The following VTA1 variants were observed in gnomAD, a reference collection of about 807,000 sequenced individuals.
VTA1 encodes the protein vacuolar protein sorting-associated protein VTA1 homolog.
VTA1 carries 24 observed loss-of-function variants against 36.9 expected under a neutral mutation model. The observed-to-expected ratio is 0.65, with a 90% CI of 0.47 to 0.91. The LOEUF is 0.91. Among genes scored for constraint, VTA1 ranks in the 40% least tolerant of loss-of-function variants. The probability of loss-of-function intolerance (pLI) is 0.00; values close to 1 mark genes in which losing one functional copy is unlikely to be tolerated. For synonymous variants in VTA1, 142 were observed against 130.2 expected, an observed-to-expected ratio of 1.09 and a Z score of -0.62; for missense variants, 393 against 377.2, an observed-to-expected ratio of 1.04 and a Z score of -0.35.
At chr6:142,204,329 C>T (rs962731749) in intron 7 of VTA1, among the ~76,000 whole-genome samples, 1 of 152,064 alleles carries the variant, frequency 6.6e-6, no homozygotes, top group Non-Finnish European at 1.5e-5. Flanking sequence ...TATTGAAGAA[C>T]AAACATGGAG....
chr6:142,201,056 T>C (rs1562267900), intron 6 of VTA1, among the ~76,000 whole-genome samples: 1 of 151,942 alleles, frequency 6.6e-6, no homozygotes, highest in Non-Finnish European at 1.5e-5. Context: ...TTTAGCCATG[T>C]GCCTTCTATG....
At chr6:142,152,376 T>C (rs1778584037) in intron 1 of VTA1, among the ~76,000 whole-genome samples, 2 of 152,248 alleles carry the variant, frequency 1.3e-5, no homozygotes, top group East Asian at 3.9e-4. Flanking sequence ...GGTTATATGG[T>C]TTTTAGCCTG....
At chr6:142,187,536 A>G (rs1049713867) in intron 4 of VTA1, among the ~76,000 whole-genome samples, 3 of 152,286 alleles carry the variant, frequency 2.0e-5, no homozygotes, top group Non-Finnish European at 2.9e-5. Flanking sequence ...TTACTGGAGA[A>G]TATGAACTAT....
At chr6:142,197,018 C>A (rs943622892) in intron 5 of VTA1, among the ~76,000 whole-genome samples, 1 of 152,130 alleles carries the variant, frequency 6.6e-6, no homozygotes, top group African/African-American at 2.4e-5. Context: ...TGGCAACTTT[C>A]TTTTATGTAG....
chr6:142,206,439 A>G (rs1775792211), intron 7 of VTA1, among the ~76,000 whole-genome samples: 1 of 152,254 alleles, frequency 6.6e-6, no homozygotes, highest in Non-Finnish European at 1.5e-5. Context: ...CAGAATGCTC[A>G]TGAAAGAGTC....
At chr6:142,169,803 C>G in intron 3 of VTA1, 126 bp downstream of exon 3, 1 of 859,518 alleles carries the variant, frequency 1.2e-6, no homozygotes, top group Non-Finnish European at 1.6e-6. Flanking sequence ...AAAAAATTAT[C>G]AAACCTCACG....
At chr6:142,197,506 C>T (rs895721467) in intron 5 of VTA1, among the ~76,000 whole-genome samples, 8 of 152,208 alleles carry the variant, frequency 5.3e-5, no homozygotes, top group Admixed American at 3.3e-4. Flanking sequence ...ATTCGGCTCA[C>T]GATACAGTAT....
intron 4 of VTA1, among the ~76,000 whole-genome samples, chr6:142,182,107 T>G (rs1441943686): frequency 6.6e-6 from 1 of 152,240 alleles, no homozygotes; most frequent in Non-Finnish European, 1.5e-5. Context: ...TAGAGATTAT[T>G]AATCCCATTT....
chr6:142,195,969 C>T (rs566444278), intron 5 of VTA1, among the ~76,000 whole-genome samples: 4 of 152,080 alleles, frequency 2.6e-5, no homozygotes, highest in African/African-American at 9.6e-5. Flanking sequence ...TGGTGAATGT[C>T]CCATGTGCAG....
At chr6:142,167,003 G>T (rs1319846093) in intron 2 of VTA1, among the ~76,000 whole-genome samples, 1 of 152,096 alleles carries the variant, frequency 6.6e-6, no homozygotes, top group Non-Finnish European at 1.5e-5. Flanking sequence ...TTATAATAAT[G>T]AAATAATGGG....
rs1329647101 is a variant in VTA1, at chr6:142,221,650, GT to G, written c.*3009del. 1.3e-5 allele frequency: 2 copies of G among 151,898 alleles called. No individual in the cohort carries two copies. The highest frequency in any genetic ancestry group is 4.8e-5 in the African/African-American group (2 of 41,350). 9.4% of individuals were successfully genotyped at this position (151,898 alleles called of 1,614,324 possible). On this transcript the variant is annotated 3_prime_UTR_variant, in exon 8 of 8. Coordinates refer to ENST00000367630, the MANE Select transcript of VTA1 (RefSeq NM_016485.5). Reference sequence around the variant, plus strand: ...AGTAAGGGAGGAAGCTGGGAGACCAGTTAAAAAGAGTATTAACAATAGGCCG... The same window carrying G: ...AGTAAGGGAGGAAGCTGGGAGACCAGTAAAAAGAGTATTAACAATAGGCCG...
At chr6:142,172,037 T>A (rs1190130503) in intron 4 of VTA1, among the ~76,000 whole-genome samples, 1 of 152,084 alleles carries the variant, frequency 6.6e-6, no homozygotes, top group Non-Finnish European at 1.5e-5. Flanking sequence ...TGAGACTGAG[T>A]CTCTCGCTCT....
chr6:142,188,225 C>CTTTTTTTT (rs200348683), intron 4 of VTA1, among the ~76,000 whole-genome samples: 1,058 of 78,978 alleles, frequency 0.013, 22 homozygotes, highest in Non-Finnish European at 0.02. Flanking sequence ...TTCTTTATTT[C>CTTTTTTTT]TTTTTTTTTT....
intron 7 of VTA1, among the ~76,000 whole-genome samples, chr6:142,213,611 C>G (rs1775946304): frequency 6.6e-6 from 1 of 152,226 alleles, no homozygotes; most frequent in African/African-American, 2.4e-5. Flanking sequence ...ACACTTCTGC[C>G]TAGACATCTG....
chr6:142,217,879 A>T (rs910023396), intron 7 of VTA1, among the ~76,000 whole-genome samples: 1 of 151,966 alleles, frequency 6.6e-6, no homozygotes, highest in Non-Finnish European at 1.5e-5. Context: ...GAAATTGTTT[A>T]GTTGGGCACT....
chr6:142,196,588 C>A (rs1775556523), intron 5 of VTA1, among the ~76,000 whole-genome samples: 1 of 151,786 alleles, frequency 6.6e-6, no homozygotes, highest in African/African-American at 2.4e-5. Context: ...TACAGTTTTT[C>A]CCCCCTCTGG....
At chr6:142,187,304 T>C (rs1252415056) in intron 4 of VTA1, among the ~76,000 whole-genome samples, 5 of 152,190 alleles carry the variant, frequency 3.3e-5, no homozygotes, top group Non-Finnish European at 1.5e-5. Flanking sequence ...TTCACAAAGA[T>C]TGGCATAGTC....
chr6:142,179,468 C>G (rs1462067530), intron 4 of VTA1, among the ~76,000 whole-genome samples: 1 of 151,938 alleles, frequency 6.6e-6, no homozygotes, highest in Admixed American at 6.6e-5. Context: ...AGAAACAACC[C>G]TGATGTCCAC....
chr6:142,160,527 C>G (rs1031576015), intron 1 of VTA1, among the ~76,000 whole-genome samples: 1 of 152,100 alleles, frequency 6.6e-6, no homozygotes, highest in Non-Finnish European at 1.5e-5. Context: ...CTGCCTCAGT[C>G]TCCCTGAATT....
Sources: gnomAD v4.1 joint callset for allele counts (sites outside exome capture counted in the v4.1 genomes callset) on GRCh38, gnomAD v4.1.1 for gene constraint, MANE v1.5 for transcripts, NCBI Gene and HGNC (gene_info 2026-07-23, HGNC 2026-07-21) for gene names.